TRIOBP: variants seen among roughly 807,000 people sequenced by gnomAD.
TRIOBP encodes the protein TRIO and F-actin binding protein.
A neutral mutation model predicts 238.8 loss-of-function variants in TRIOBP; 169 were observed. The ratio of observed to expected loss-of-function variants is 0.71; its 90% CI spans 0.62 to 0.80. The LOEUF (loss-of-function observed/expected upper bound fraction) is 0.80. Among genes scored for constraint, TRIOBP ranks in the 30% least tolerant of loss-of-function variants. TRIOBP has a pLI of 0.00. For missense variants in TRIOBP, 2,838 were observed against 3,122.6 expected (o/e 0.91, Z 2.17); for synonymous variants, 1,150 against 1,274.4 (o/e 0.90, Z 2.08).
intron 6 of TRIOBP, among the ~76,000 whole-genome samples, chr22:37,718,843 G>GTTTTTT (rs71195044): frequency 9.7e-6 from 1 of 103,354 alleles, no homozygotes; most frequent in Non-Finnish European, 2.0e-5. Context: ...ACTGGGGCTT[G>GTTTTTT]TTTTTTTTTT....
At chr22:37,711,957 T>G (rs1923271984) in intron 4 of TRIOBP, among the ~76,000 whole-genome samples, 1 of 152,168 alleles carries the variant, frequency 6.6e-6, no homozygotes, top group Admixed American at 6.6e-5. Flanking sequence ...AGTGAACCCG[T>G]CAATGCCTGT....
chr22:37,769,001 CTCT>C (rs759867068), intron 19 of TRIOBP, 24 bp from the exon 20 acceptor site: 4 of 1,612,898 alleles, frequency 2.5e-6, no homozygotes, highest in Non-Finnish European at 3.4e-6. Context: ...ACAACCTATG[CTCT>C]CCTCTGCTCC....
Position 37,752,275 on chromosome 22 carries a change from G to A in TRIOBP, c.5379+447G>A, listed in dbSNP as rs1347134315. On this transcript the variant is annotated intron_variant, in intron 12 of 23. Coordinates refer to ENST00000644935, the MANE Select transcript of TRIOBP (RefSeq NM_001039141.3). ...GCCTCCTCTAGTCCTCAGTGGCCAC[G>A]TCTGTGACATGGGCATAATGGATAA... is the stretch of plus-strand genomic sequence containing the variant. 3.3e-5 allele frequency among the ~76,000 whole-genome samples: 5 copies of A among 152,190 alleles called. No homozygotes were observed. The East Asian group carries it at 7.7e-4, about 23-fold the overall frequency.
At chr22:37,755,826 T>G (rs1011753475) in intron 15 of TRIOBP, among the ~76,000 whole-genome samples, 167 bp downstream of exon 15, 2 of 152,170 alleles carry the variant, frequency 1.3e-5, no homozygotes, top group African/African-American at 2.4e-5. Flanking sequence ...AGAAGTACAC[T>G]GAGGGTTTGA....
At chr22:37,755,749 C>T (rs1925886544) in intron 15 of TRIOBP, 90 bp downstream of exon 15, 4 of 1,043,976 alleles carry the variant, frequency 3.8e-6, no homozygotes, top group Non-Finnish European at 4.4e-6. Flanking sequence ...AGGGCTGCAC[C>T]TTTCTGGGCC....
intron 7 of TRIOBP, among the ~76,000 whole-genome samples, chr22:37,731,394 G>C (rs549111119): frequency 6.6e-6 from 1 of 151,780 alleles, no homozygotes; most frequent in African/African-American, 2.4e-5. Context: ...TCTGACCTCA[G>C]CCTCCCCAAG....
chr22:37,722,757 A>T (rs139745097), intron 6 of TRIOBP, among the ~76,000 whole-genome samples: 1 of 152,174 alleles, frequency 6.6e-6, no homozygotes, highest in Admixed American at 6.6e-5. Flanking sequence ...AATGGGGGGA[A>T]TTCCTTGGAT....
At chr22:37,714,110 TG>T (rs1415509819) in intron 5 of TRIOBP, among the ~76,000 whole-genome samples, 3 of 152,114 alleles carry the variant, frequency 2.0e-5, no homozygotes, top group Non-Finnish European at 2.9e-5. Context: ...TCGCCCCATA[TG>T]GGGCTGAGGC....
intron 3 of TRIOBP, among the ~76,000 whole-genome samples, chr22:37,706,769 T>TAAAAAAAAAA (rs34258002): frequency 7.1e-6 from 1 of 140,952 alleles, no homozygotes; most frequent in African/African-American, 2.6e-5. Context: ...AAGACTATCT[T>TAAAAAAAAAA]AAAAAAAAAA....
intron 3 of TRIOBP, among the ~76,000 whole-genome samples, chr22:37,704,447 A>AGAACAGAAC: frequency 1.2e-5 from 1 of 82,764 alleles, no homozygotes; most frequent in Non-Finnish European, 3.0e-5. Context: ...CAGTACAGAA[A>AGAACAGAAC]ACAGGGAGAA....
At chr22:37,751,077 T>C (rs779126592) in intron 11 of TRIOBP, 1 of 421,060 alleles carries the variant, frequency 2.4e-6, no homozygotes, top group Non-Finnish European at 4.8e-6. Flanking sequence ...CAGAAAAATA[T>C]CAGGATGAGC....
intron 18 of TRIOBP, among the ~76,000 whole-genome samples, chr22:37,766,756 T>A (rs866907294): frequency 1.6e-4 from 23 of 146,680 alleles, no homozygotes; most frequent in African/African-American, 5.6e-4. Flanking sequence ...AGGTCAGGAG[T>A]TCGAGACTAG....
chr22:37,719,990 C>CCACTGCACTCACTGTTTCACTCATT (rs1923740264), intron 6 of TRIOBP, among the ~76,000 whole-genome samples: 1 of 12,036 alleles, frequency 8.3e-5, no homozygotes, highest in African/African-American at 1.4e-4. Flanking sequence ...TTCACTCATC[C>CCACTGCACTCACTGTTTCACTCATT]CCCCCCGCCC....
At chr22:37,716,908 G>C (rs183970232) in intron 6 of TRIOBP, among the ~76,000 whole-genome samples, 1 of 152,196 alleles carries the variant, frequency 6.6e-6, no homozygotes, top group African/African-American at 2.4e-5. Context: ...AATCACTGGC[G>C]GATGCAAAAT....
intron 6 of TRIOBP, among the ~76,000 whole-genome samples, chr22:37,718,359 G>A (rs1057371008): frequency 5.3e-5 from 8 of 152,366 alleles, no homozygotes; most frequent in African/African-American, 1.7e-4. Flanking sequence ...GAGGCGCCGA[G>A]AGTGAGCGAG....
chr22:37,767,218 T>C (rs1926542224), intron 18 of TRIOBP, among the ~76,000 whole-genome samples: 1 of 150,994 alleles, frequency 6.6e-6, no homozygotes, highest in African/African-American at 2.4e-5. Context: ...GCCACTGCAC[T>C]CCAGCCTGGG....
intron 21 of TRIOBP, among the ~76,000 whole-genome samples, chr22:37,770,067 A>G (rs1601670420): frequency 6.8e-6 from 1 of 146,130 alleles, no homozygotes; most frequent in Admixed American, 6.8e-5. Context: ...TTTTTGAGAC[A>G]GAGTTTTGCT....
At chr22:37,772,442 AG>A (rs2145885484) in intron 22 of TRIOBP, among the ~76,000 whole-genome samples, 158 bp from the exon 23 acceptor site, 1 of 152,164 alleles carries the variant, frequency 6.6e-6, no homozygotes, top group Non-Finnish European at 1.5e-5. Context: ...GGGAGGTGGG[AG>A]GGGTAAGCCC....
intron 2 of TRIOBP, among the ~76,000 whole-genome samples, chr22:37,699,847 C>T (rs141220332): frequency 2.1e-3 from 315 of 148,320 alleles, no homozygotes; most frequent in African/African-American, 7.1e-3. Context: ...GGCCAGGAAT[C>T]GCTTCTTTAT....
Sources: gnomAD v4.1 joint callset for allele counts (sites outside exome capture counted in the v4.1 genomes callset) on GRCh38, gnomAD v4.1.1 for gene constraint, MANE v1.5 for transcripts, NCBI Gene and HGNC (gene_info 2026-07-23, HGNC 2026-07-21) for gene names.